Variants in CLPTM1 observed in about 807,000 individuals in gnomAD.
CLPTM1 encodes putative lipid scramblase CLPTM1.
In CLPTM1, 21 loss-of-function variants were observed where a neutral mutation model predicts 77.3. The ratio of observed to expected loss-of-function variants is 0.27; its 90% CI spans 0.19 to 0.39. The LOEUF is 0.39. CLPTM1 is among the 10% of genes least tolerant of loss of function. The pLI is 1.00. For missense variants in CLPTM1, 642 were observed against 921.2 expected (o/e 0.70, Z 3.92); for synonymous variants, 373 against 381.0 (o/e 0.98, Z 0.24).
At chr19:44,980,837 T>TTTA (rs1364483382) in intron 5 of CLPTM1, among the ~76,000 whole-genome samples, 3 of 151,464 alleles carry the variant, frequency 2.0e-5, no homozygotes, top group African/African-American at 7.3e-5. Context: ...ATTTTATTTA[T>TTTA]TTATTATTAT....
chr19:44,954,745 G>T, upstream of CLPTM1: 3 of 1,317,250 alleles, frequency 2.3e-6, no homozygotes, highest in Non-Finnish European at 2.9e-6. Flanking sequence ...AGGCAGGGCA[G>T]TCCGAAGGCT....
chr19:44,956,575 C>T (rs1970467375), intron 1 of CLPTM1, among the ~76,000 whole-genome samples: 1 of 152,156 alleles, frequency 6.6e-6, no homozygotes, highest in Non-Finnish European at 1.5e-5. Context: ...TCAGCCAGGG[C>T]CTGGCTTCAG....
intron 1 of CLPTM1, among the ~76,000 whole-genome samples, chr19:44,961,172 T>C (rs1970537618): frequency 6.6e-6 from 1 of 152,190 alleles, no homozygotes; most frequent in Non-Finnish European, 1.5e-5. Flanking sequence ...CGGATGGAGC[T>C]GGTCATAGTT....
chr19:44,990,241 CT>C lies in CLPTM1; in HGVS notation c.1133-152del. ...GGGGTCACCCAATGAATATGAGAGC[CT>C]TCCTGGGAGAGAGGGGTCTCGTTCA... On this transcript the variant is annotated intron_variant, in intron 9 of 13. Coordinates refer to ENST00000337392, the MANE Select transcript of CLPTM1 (RefSeq NM_001294.4). The surrounding 1 kb of genome is among the most constrained non-coding windows in gnomAD (Gnocchi z 4.8). 1 of 723,626 alleles carries C rather than the reference CT, an allele frequency of 1.4e-6. No homozygotes were observed. The highest frequency in any genetic ancestry group is 1.8e-5 in the South Asian group (1 of 56,178). The allele number at this position is 723,626 out of a possible 1,614,324, so 44.8% of individuals were successfully genotyped here.
chr19:44,979,716 G>A (rs1480284478), intron 5 of CLPTM1, among the ~76,000 whole-genome samples: 11 of 152,204 alleles, frequency 7.2e-5, no homozygotes, highest in African/African-American at 2.7e-4. Flanking sequence ...TGAAGAATGT[G>A]CTGCGTTGGT....
chr19:44,990,623 G>A lies in CLPTM1; in HGVS notation c.1323+38G>A. The A allele has an allele frequency of 6.2e-7, 1 of 1,602,120 alleles. No individual in the cohort carries two copies. The highest frequency in any genetic ancestry group is 8.5e-7 in the Non-Finnish European group (1 of 1,172,260). ...CGCCATGCTGTCTCGGGAGCTGCAG[G>A]GGTTGGGAGGGGGTAGTGTGGCCCA... On this transcript the variant is annotated intron_variant, in intron 10 of 13. Transcript: ENST00000337392. This position sits in a 1 kb window ranked among gnomAD's most constrained non-coding sequence, Gnocchi z 4.8.
At chr19:44,961,437 C>T (rs1251057852) in intron 1 of CLPTM1, among the ~76,000 whole-genome samples, 2 of 152,198 alleles carry the variant, frequency 1.3e-5, no homozygotes, top group African/African-American at 4.8e-5. Flanking sequence ...CCCCAATAGC[C>T]ACCTCCTTGC....
intron 2 of CLPTM1, among the ~76,000 whole-genome samples, chr19:44,964,917 C>A (rs1398284718): frequency 6.6e-6 from 1 of 152,106 alleles, no homozygotes; most frequent in Non-Finnish European, 1.5e-5. Flanking sequence ...AGTGGGACCC[C>A]AGGGCCTGTT....
rs1482198351 is a variant in CLPTM1 at position 44,970,439 on chromosome 19, G to T, written c.186-2648G>T. ...TTTTGAGACAGGGTCTCACTCTGTT[G>T]CCCAGGCTGGAGTGCAGTGGCATGA... is the stretch of plus-strand genomic sequence containing the variant. On this transcript the variant is annotated intron_variant, in intron 2 of 13. Coordinates refer to ENST00000337392, the MANE Select transcript of CLPTM1 (RefSeq NM_001294.4). Among the ~76,000 whole-genome samples, 3 of 133,778 alleles carry T rather than the reference G, an allele frequency of 2.2e-5. 1 individual carries two copies. The highest frequency in any genetic ancestry group is 6.2e-5 in the African/African-American group (2 of 32,244). 87.8% of individuals were successfully genotyped at this position (133,778 alleles called of 152,430 possible).
intron 9 of CLPTM1, among the ~76,000 whole-genome samples, chr19:44,989,306 G>T (rs1299040753): frequency 6.6e-6 from 1 of 152,218 alleles, no homozygotes; most frequent in African/African-American, 2.4e-5. Context: ...CCTAGGAGCT[G>T]GCTTGGCTGG....
intron 5 of CLPTM1, among the ~76,000 whole-genome samples, chr19:44,979,790 G>C (rs1344671945): frequency 1.3e-5 from 2 of 152,080 alleles, no homozygotes; most frequent in Admixed American, 1.3e-4. Context: ...AGTGGCTTGA[G>C]GGGGTGTGAC....
rs766611823 is a variant in CLPTM1, at chr19:44,993,085, C to T, written c.*188C>T. The stretch of plus-strand genomic sequence containing the variant: ...AGGCCAGGGTTTGTTTGTGGAGGCG[C>T]TGTCTGTCCCTCTGTCCCTCTGTGT... On this transcript the variant is annotated 3_prime_UTR_variant, in exon 14 of 14. Coordinates refer to ENST00000337392, the MANE Select transcript of CLPTM1 (RefSeq NM_001294.4). 2.8e-6 allele frequency: 2 copies of T among 720,504 alleles called. No homozygotes were observed. Among genetic ancestry groups the T allele is most frequent in the Non-Finnish European group, 4.9e-6 (2 of 404,668 alleles). The allele number at this position is 720,504 out of a possible 1,614,324, so 44.6% of individuals were successfully genotyped here. A position where few individuals can be genotyped will look rare whatever the true frequency, so the allele number is the denominator to read the frequency against.
chr19:44,986,802 A>G (rs1386362183), intron 7 of CLPTM1: 3 of 569,114 alleles, frequency 5.3e-6, no homozygotes, highest in Non-Finnish European at 9.1e-6. Flanking sequence ...GTCCGCAATC[A>G]AGTGCCATCC....
rs1209353903 is a variant in CLPTM1 at position 44,974,583 on chromosome 19, C to T, written c.454C>T (p.Leu152Phe). The change falls in exon 4 of 14, where the codon CTC (leucine) becomes TTC (phenylalanine). Residue 152 changes from leucine to phenylalanine, a missense_variant. By Grantham distance (22) the Leu-to-Phe change is conservative (BLOSUM62 0). Coordinates refer to ENST00000337392, the MANE Select transcript of CLPTM1 (RefSeq NM_001294.4). ...SDGCYEHFAE[L>F]DIPQSVQQNG... ...CGGCTGCTACGAGCACTTTGCTGAGCTCGATATCCCACAGGTGGGGGCAGC... is the reference window on the plus strand; with the variant it reads ...CGGCTGCTACGAGCACTTTGCTGAGTTCGATATCCCACAGGTGGGGGCAGC... 8.7e-6 allele frequency: 14 copies of T among 1,613,846 alleles called. No individual in the cohort carries two copies. Among genetic ancestry groups the T allele is most frequent in the Non-Finnish European group, 1.2e-5 (14 of 1,179,878 alleles).
At chr19:44,955,284 C>T (rs1310186128), upstream of CLPTM1, 10 of 1,457,980 alleles carry the variant, frequency 6.9e-6, no homozygotes, top group Non-Finnish European at 9.0e-6. Flanking sequence ...GGCACTCTTG[C>T]CGGATAGGGT....
At chr19:44,974,732 C>G in intron 4 of CLPTM1, 135 bp downstream of exon 4, 1 of 954,086 alleles carries the variant, frequency 1.0e-6, no homozygotes, top group Non-Finnish European at 1.5e-6. Flanking sequence ...CTCACATGGT[C>G]TGTGACCACA....
At position 44,992,301 on chromosome 19, in the gene CLPTM1, C is replaced by T; in HGVS notation, c.1624C>T (p.Arg542Cys). 6.2e-7 allele frequency: 1 copy of T among 1,614,096 alleles called. No individual in the cohort carries two copies. Among genetic ancestry groups the T allele is most frequent in the Non-Finnish European group, 8.5e-7 (1 of 1,179,988 alleles). ...KLKSVAHLPW[R>C]MLTYKALNTF... ...CAAGTCTGTGGCCCACCTTCCCTGG[C>T]GCATGCTCACCTACAAGGCCCTCAA... The change falls in exon 13 of 14, where the codon CGC (arginine) becomes TGC (cysteine). Residue 542 changes from arginine to cysteine, a missense_variant. Physicochemically the swap from Arg to Cys is radical, Grantham distance 180. This residue lies in a region of CLPTM1 where 521 missense variants were observed against 800.4 expected (regional missense o/e 0.65). Coordinates refer to ENST00000337392, the MANE Select transcript of CLPTM1 (RefSeq NM_001294.4). The surrounding 1 kb of genome is among the most constrained non-coding windows in gnomAD (Gnocchi z 7.7).
rs1971057722 is a variant in CLPTM1, at chr19:44,990,640, T to C, written c.1323+55T>C. 6.3e-7 allele frequency: 1 copy of C among 1,583,354 alleles called. No individual in the cohort carries two copies. The highest frequency in any genetic ancestry group is 1.7e-5 in the Admixed American group (1 of 59,128). ...AGCTGCAGGGGTTGGGAGGGGGTAG[T>C]GTGGCCCAGCTGGACCCTGGAGCTG... is the stretch of plus-strand genomic sequence containing the variant. On this transcript the variant is annotated intron_variant, in intron 10 of 13. Coordinates refer to ENST00000337392, the MANE Select transcript of CLPTM1 (RefSeq NM_001294.4). The surrounding 1 kb of genome is among the most constrained non-coding windows in gnomAD (Gnocchi z 4.8).
intron 4 of CLPTM1, 52 bp downstream of exon 4, chr19:44,974,649 G>C: frequency 3.5e-6 from 5 of 1,441,278 alleles, no homozygotes; most frequent in Non-Finnish European, 3.6e-6. Context: ...TGGCACTGAA[G>C]GACCTTTTCC....
Sources: allele counts gnomAD v4.1 joint callset (sites outside exome capture counted in the v4.1 genomes callset), GRCh38; gene constraint gnomAD v4.1.1; regional missense constraint gnomAD v4.1.1; non-coding constraint Gnocchi (gnomAD v3.1); transcripts MANE v1.5; gene names NCBI Gene and HGNC (gene_info 2026-07-23, HGNC 2026-07-21).